Variants in KCNG2 observed in about 807,000 individuals in gnomAD.
The protein encoded by KCNG2 is potassium voltage-gated channel modifier subfamily G member 2.
In KCNG2, 7 loss-of-function variants were observed where a neutral mutation model predicts 12.3. The ratio of observed to expected loss-of-function variants is 0.57; its 90% CI spans 0.32 to 1.07. The LOEUF is 1.07. Ranked by LOEUF, KCNG2 falls within the 50% of genes least tolerant of loss-of-function variation. The pLI is 0.04. For synonymous variants in KCNG2, 414 were observed against 351.4 expected (o/e 1.18, Z -1.99); for missense variants, 703 against 726.0 (o/e 0.97, Z 0.36).
intron 1 of KCNG2, among the ~76,000 whole-genome samples, chr18:79,854,710 A>G (rs1329053613): frequency 1.3e-5 from 2 of 152,072 alleles, no homozygotes; most frequent in African/African-American, 2.4e-5. Context: ...TATTTTTAGT[A>G]GAGACGAGGT....
Position 79,864,337 on chromosome 18 carries a change from G to T in KCNG2, c.624+46G>T, listed in dbSNP as rs531164428. 1.5e-3 allele frequency: 2,164 copies of T among 1,406,014 alleles called. 5 individuals are homozygous for T. Among genetic ancestry groups the T allele is most frequent in the Middle Eastern group, 2.9e-3 (11 of 3,756 alleles). The allele number at this position is 1,406,014 out of a possible 1,614,324, so 87.1% of individuals were successfully genotyped here. The stretch of plus-strand genomic sequence containing the variant: ...CGGGGACCGGGCCGGAGCTGGGGCT[G>T]GGCTGGGATCTGGGCTGCGGGGAGG... On this transcript the variant is annotated intron_variant, in intron 3 of 3. Coordinates refer to ENST00000316249, the MANE Select transcript of KCNG2 (RefSeq NM_012283.2).
chr18:79,848,941 C>A (rs7236023), intron 1 of KCNG2, among the ~76,000 whole-genome samples: 11,788 of 152,214 alleles, frequency 0.077, 575 homozygotes, highest in East Asian at 0.14. Context: ...GGGTTAATGA[C>A]CGCCTGGCGC....
rs2087395696 is a variant in KCNG2, at chr18:79,800,094, A to G, written c.-115+2080A>G. Among the ~76,000 whole-genome samples, 1 of 152,106 alleles carries G rather than the reference A, an allele frequency of 6.6e-6. No homozygotes were observed. The highest frequency in any genetic ancestry group is 2.4e-5 in the African/African-American group (1 of 41,420). Reference sequence around the variant, plus strand: ...GGCAGGCACCTGGAGGGCAGCGCGAACGGAGGGCTGTTTGTCGTGGGAGGC... The same window carrying G: ...GGCAGGCACCTGGAGGGCAGCGCGAGCGGAGGGCTGTTTGTCGTGGGAGGC... On this transcript the variant is annotated intron_variant, in intron 1 of 3. Coordinates refer to ENST00000316249, the MANE Select transcript of KCNG2 (RefSeq NM_012283.2). This position sits in a 1 kb window ranked among gnomAD's most constrained non-coding sequence, Gnocchi z 4.0.
chr18:79,883,074 C>A (rs977530729), intron 3 of KCNG2, among the ~76,000 whole-genome samples: 3 of 152,264 alleles, frequency 2.0e-5, no homozygotes, highest in African/African-American at 7.2e-5. Flanking sequence ...CGGCCGGTGC[C>A]AGATCAATCC....
intron 3 of KCNG2, among the ~76,000 whole-genome samples, chr18:79,866,879 TGA>T (rs1568262993): frequency 9.5e-6 from 1 of 105,292 alleles, no homozygotes; most frequent in Non-Finnish European, 2.1e-5. Context: ...GTCTGTGTGC[TGA>T]GAGGTCCGTG....
intron 1 of KCNG2, among the ~76,000 whole-genome samples, chr18:79,830,072 CT>C (rs1978291411): frequency 6.6e-6 from 1 of 152,160 alleles, no homozygotes; most frequent in Non-Finnish European, 1.5e-5. Context: ...AGTGTTCCCC[CT>C]GAAGTAGGAG....
At chr18:79,862,855 A>C (rs1251289559) in intron 2 of KCNG2, among the ~76,000 whole-genome samples, 1 of 152,228 alleles carries the variant, frequency 6.6e-6, no homozygotes. Flanking sequence ...CCACGGAGTC[A>C]AAGTAATTAC....
chr18:79,871,712 C>A (rs1212786929), intron 3 of KCNG2, among the ~76,000 whole-genome samples: 1 of 152,212 alleles, frequency 6.6e-6, no homozygotes, highest in Non-Finnish European at 1.5e-5. Context: ...CCCTATGACG[C>A]CTTGGCAGAG....
intron 2 of KCNG2, among the ~76,000 whole-genome samples, chr18:79,859,023 A>G (rs1364318879): frequency 6.6e-6 from 1 of 151,654 alleles, no homozygotes. Context: ...GTTACTTGTC[A>G]TTCATTTTCC....
Position 79,899,846 on chromosome 18 carries a change from G to A in KCNG2, c.*30G>A. On this transcript the variant is annotated 3_prime_UTR_variant, in exon 4 of 4. Transcript: ENST00000316249. ...TGCGCCGCCCACACGGAGACCCCCT[G>A]CCCCCTCCAGCTGCAGCGTCGGGAC... The A allele has an allele frequency of 1.5e-6, 2 of 1,314,528 alleles. No homozygotes were observed. The highest frequency in any genetic ancestry group is 1.9e-6 in the Non-Finnish European group (2 of 1,035,672). The allele number at this position is 1,314,528 out of a possible 1,614,324, so 81.4% of individuals were successfully genotyped here. A position where few individuals can be genotyped will look rare whatever the true frequency, so the allele number is the denominator to read the frequency against.
At chr18:79,854,220 T>C (rs971845192) in intron 1 of KCNG2, among the ~76,000 whole-genome samples, 1 of 152,192 alleles carries the variant, frequency 6.6e-6, no homozygotes, top group Non-Finnish European at 1.5e-5. Flanking sequence ...AGAGCCTCAC[T>C]GTCCCAGCCC....
chr18:79,883,239 C>G lies in KCNG2; in HGVS notation c.625-15801C>G, dbSNP rs542476371. Reference sequence around the variant, plus strand: ...CCTGGGAAAGCCAGGGGTTGGGGGCCAAGACTGGGTGGGCGGGGTCCGGCT... The same window carrying G: ...CCTGGGAAAGCCAGGGGTTGGGGGCGAAGACTGGGTGGGCGGGGTCCGGCT... On this transcript the variant is annotated intron_variant, in intron 3 of 3. Coordinates refer to ENST00000316249, the MANE Select transcript of KCNG2 (RefSeq NM_012283.2). Among the ~76,000 whole-genome samples the G allele has an allele frequency of 2.4e-3, 318 of 134,538 alleles. 1 individual carries two copies. Among genetic ancestry groups the G allele is most frequent in the Non-Finnish European group, 3.5e-3 (219 of 62,508 alleles). 88.3% of individuals were successfully genotyped at this position (134,538 alleles called of 152,430 possible).
At chr18:79,806,318 G>A (rs1044164426) in intron 1 of KCNG2, among the ~76,000 whole-genome samples, 1 of 151,802 alleles carries the variant, frequency 6.6e-6, no homozygotes, top group East Asian at 1.9e-4. Flanking sequence ...CGGGGCATGG[G>A]GCCATCGGGA....
intron 1 of KCNG2, among the ~76,000 whole-genome samples, chr18:79,826,405 C>G (rs1978285979): frequency 6.6e-6 from 1 of 152,262 alleles, no homozygotes; most frequent in African/African-American, 2.4e-5. Flanking sequence ...CCGCACGAAG[C>G]TTCACAACTG....
chr18:79,834,561 C>G (rs753007606), intron 1 of KCNG2, among the ~76,000 whole-genome samples: 10 of 152,126 alleles, frequency 6.6e-5, no homozygotes, highest in Non-Finnish European at 1.2e-4. Flanking sequence ...GCTCTGGGAG[C>G]CCACGCTATT....
chr18:79,802,073 G>A (rs1052340633), intron 1 of KCNG2, among the ~76,000 whole-genome samples: 1 of 152,190 alleles, frequency 6.6e-6, no homozygotes, highest in African/African-American at 2.4e-5. Context: ...TGTGACTTGC[G>A]TTTTCATAGT....
intron 3 of KCNG2, among the ~76,000 whole-genome samples, chr18:79,889,730 G>C (rs866618797): frequency 3.3e-4 from 50 of 152,320 alleles, no homozygotes; most frequent in African/African-American, 1.0e-3. Context: ...TGCACATTCT[G>C]TTTAACCTGC....
intron 3 of KCNG2, among the ~76,000 whole-genome samples, chr18:79,895,257 G>A (rs1310022780): frequency 6.6e-6 from 1 of 151,130 alleles, no homozygotes; most frequent in Admixed American, 6.6e-5. Context: ...CGTTAGTAAC[G>A]ATTTATATAG....
chr18:79,877,221 CAAT>C (rs1980110180), intron 3 of KCNG2, among the ~76,000 whole-genome samples: 1 of 152,174 alleles, frequency 6.6e-6, no homozygotes, highest in African/African-American at 2.4e-5. Flanking sequence ...TAAAATGAGT[CAAT>C]AATTATTTTC....
Sources: allele counts gnomAD v4.1 joint callset (sites outside exome capture counted in the v4.1 genomes callset), GRCh38; gene constraint gnomAD v4.1.1; non-coding constraint Gnocchi (gnomAD v3.1); transcripts MANE v1.5; gene names NCBI Gene and HGNC (gene_info 2026-07-23, HGNC 2026-07-21).